CASK: variants seen among roughly 807,000 people sequenced by gnomAD.
The protein encoded by CASK is calcium/calmodulin dependent serine protein kinase.
CASK carries 4 observed loss-of-function variants against 82.9 expected under a neutral mutation model. The observed-to-expected ratio is 0.05, with a 90% confidence interval of 0.02 to 0.11. The LOEUF (loss-of-function observed/expected upper bound fraction) is 0.11. CASK is among the 10% of genes least tolerant of loss of function. The pLI, the probability that CASK is intolerant of heterozygous loss-of-function variation, is 1.00. For missense variants in CASK, 358 were observed against 720.9 expected (o/e 0.50, Z 5.76); for synonymous variants, 259 against 253.5 (o/e 1.02, Z -0.20).
At chrX:41,661,065 A>G (rs1208749665) in intron 7 of CASK, among the ~76,000 whole-genome samples, 2 of 112,177 alleles carry the variant, frequency 1.8e-5, no homozygotes, top group Non-Finnish European at 3.8e-5. Flanking sequence ...GGTCCCACAG[A>G]ATAACAGATT....
At chrX:41,731,719 T>C (rs980760700) in intron 5 of CASK, among the ~76,000 whole-genome samples, 1 of 111,495 alleles carries the variant, frequency 9.0e-6, no homozygotes, top group African/African-American at 3.3e-5. Context: ...TTTTTTTATG[T>C]AATTGAAGAA....
chrX:41,843,346 A>G (rs1217957145), intron 2 of CASK, among the ~76,000 whole-genome samples: 1 of 111,437 alleles, frequency 9.0e-6, no homozygotes, highest in Non-Finnish European at 1.9e-5. Flanking sequence ...TTCTATTTGT[A>G]GGTTGTTGAG....
intron 5 of CASK, among the ~76,000 whole-genome samples, chrX:41,723,485 T>C (rs1411765490): frequency 2.7e-5 from 3 of 112,411 alleles, no homozygotes; most frequent in Admixed American, 9.4e-5. Flanking sequence ...TTTATAACTA[T>C]TCATTTGATC....
At chrX:41,673,835 T>TTG (rs199754350) in intron 5 of CASK, among the ~76,000 whole-genome samples, 10,840 of 99,868 alleles carry the variant, frequency 0.11, 644 homozygotes, top group Non-Finnish European at 0.16. Context: ...GGGTGTTTTT[T>TTG]TTTTTTTTTT....
intron 6 of CASK, among the ~76,000 whole-genome samples, chrX:41,667,209 T>C (rs2067131251): frequency 8.9e-6 from 1 of 111,908 alleles, no homozygotes; most frequent in South Asian, 3.7e-4. Context: ...GCCTGTTGTT[T>C]GGTTCAATAA....
chrX:41,787,333 T>G, intron 2 of CASK, 50 bp from the exon 3 acceptor site: 2 of 712,148 alleles, frequency 2.8e-6, no homozygotes, highest in Non-Finnish European at 4.5e-6. Flanking sequence ...CAAAAGACAA[T>G]TAGAGTGAAT....
In CASK at chrX:41,516,776, A is replaced by T. The variant is rs1453994999; in HGVS notation, c.*3644T>A. Reference sequence around the variant, plus strand: ...AAGAGACAGTGTGGGAGGCATTTCTATTAAGAATTTGTTAATCAAGCAGTT... The same window carrying T: ...AAGAGACAGTGTGGGAGGCATTTCTTTTAAGAATTTGTTAATCAAGCAGTT... On this transcript the variant is annotated 3_prime_UTR_variant, in exon 27 of 27. Coordinates refer to ENST00000378163, the MANE Select transcript of CASK (RefSeq NM_001367721.1). 9.0e-6 allele frequency: 1 copy of T among 111,142 alleles called. No homozygotes were observed. The highest frequency in any genetic ancestry group is 1.9e-5 in the Non-Finnish European group (1 of 53,026). 9.2% of individuals were successfully genotyped at this position (111,142 alleles called of 1,213,427 possible).
At chrX:41,819,811 A>G (rs955159277) in intron 2 of CASK, among the ~76,000 whole-genome samples, 4 of 112,107 alleles carry the variant, frequency 3.6e-5, no homozygotes, top group Non-Finnish European at 7.5e-5. Context: ...TGTAAGTAAC[A>G]GAATAAAGGA....
intron 24 of CASK, among the ~76,000 whole-genome samples, chrX:41,532,797 A>C (rs2064824314): frequency 9.0e-6 from 1 of 111,321 alleles, no homozygotes; most frequent in Admixed American, 9.6e-5. Flanking sequence ...TCAAAAGCTG[A>C]AGAACCGGCG....
In CASK at chrX:41,691,054, T is replaced by G. The variant is rs189653407; in HGVS notation, c.430-19524A>C. 2.3e-3 allele frequency among the ~76,000 whole-genome samples: 255 copies of G among 112,349 alleles called. 1 individual carries two copies. The highest frequency in any genetic ancestry group is 7.8e-3 in the African/African-American group (243 of 30,999). On this transcript the variant is annotated intron_variant, in intron 5 of 26. Transcript: ENST00000378163. ...TGGCCACTATTATAACATAAACAAA[T>G]GCACTGGCTTTGCTTTATGCTCTTT...
intron 8 of CASK, among the ~76,000 whole-genome samples, chrX:41,658,884 CTGGGTTCATGGGAAAGGAA>C (rs919516275): frequency 9.0e-6 from 1 of 111,468 alleles, no homozygotes; most frequent in African/African-American, 3.3e-5. Context: ...ATTGACTAGA[CTGGGTTCATGGGAAAGGAA>C]TGGGAAACTG....
At chrX:41,661,967 T>G (rs1453290579) in intron 7 of CASK, among the ~76,000 whole-genome samples, 1 of 110,902 alleles carries the variant, frequency 9.0e-6, no homozygotes, top group Non-Finnish European at 1.9e-5. Context: ...TAATTTTTCC[T>G]TGACAAAGTG....
At chrX:41,669,009 G>A (rs894074220) in intron 6 of CASK, among the ~76,000 whole-genome samples, 10 of 111,629 alleles carry the variant, frequency 9.0e-5, no homozygotes, top group Non-Finnish European at 1.9e-4. Context: ...AGAGGCATGA[G>A]CCACCGTGCC....
chrX:41,640,312 T>C (rs1471334426), intron 8 of CASK, among the ~76,000 whole-genome samples: 4 of 110,694 alleles, frequency 3.6e-5, no homozygotes, highest in Non-Finnish European at 7.6e-5. Flanking sequence ...CAAGCGATTC[T>C]TCTGCCTCAG....
chrX:41,798,860 G>A lies in CASK; in HGVS notation c.173-11577C>T, dbSNP rs192385142. On this transcript the variant is annotated intron_variant, in intron 2 of 26. Coordinates refer to ENST00000378163, the MANE Select transcript of CASK (RefSeq NM_001367721.1). The stretch of plus-strand genomic sequence containing the variant: ...AAATAAAAATAAAAAGAACTAACAA[G>A]CTGCAAAGCAAAGATTGGAACCCAG... Among the ~76,000 whole-genome samples the A allele has an allele frequency of 8.0e-5, 9 of 111,833 alleles. No homozygotes were observed. The East Asian group carries it at 2.2e-3, about 28-fold the overall frequency.
At chrX:41,885,786 A>G (rs1180693925) in intron 1 of CASK, among the ~76,000 whole-genome samples, 1 of 111,892 alleles carries the variant, frequency 8.9e-6, no homozygotes, top group African/African-American at 3.2e-5. Flanking sequence ...AGGGAGCACA[A>G]AAAGTTCAGG....
intron 1 of CASK, among the ~76,000 whole-genome samples, chrX:41,905,430 C>T (rs749819170): frequency 8.0e-5 from 9 of 112,704 alleles, no homozygotes; most frequent in Non-Finnish European, 1.3e-4. Context: ...CATCCTAGTG[C>T]ACATGAAGTG....
intron 22 of CASK, among the ~76,000 whole-genome samples, chrX:41,536,740 A>G (rs951825492): frequency 5.3e-5 from 6 of 112,284 alleles, no homozygotes; most frequent in Admixed American, 2.8e-4. Flanking sequence ...CAATAGCTAA[A>G]AACCAAGAAA....
intron 4 of CASK, among the ~76,000 whole-genome samples, chrX:41,743,375 A>G (rs2068628003): frequency 8.9e-6 from 1 of 112,303 alleles, no homozygotes; most frequent in African/African-American, 3.2e-5. Flanking sequence ...ATAAAAACTC[A>G]AAATAATAGA....
Sources: gnomAD v4.1 joint callset for allele counts (sites outside exome capture counted in the v4.1 genomes callset) on GRCh38, gnomAD v4.1.1 for gene constraint, MANE v1.5 for transcripts, NCBI Gene and HGNC (gene_info 2026-07-23, HGNC 2026-07-21) for gene names.